CALN1: variants seen among roughly 807,000 people sequenced by gnomAD.
The protein encoded by CALN1 is calneuron 1, also known as calcium-binding protein 8.
In CALN1, 17 loss-of-function variants were observed where a neutral mutation model predicts 30.6. The ratio of observed to expected loss-of-function variants is 0.56; its 90% confidence interval spans 0.38 to 0.83. The LOEUF is 0.83. Among genes scored for constraint, CALN1 ranks in the 40% least tolerant of loss-of-function variants. The pLI, the probability that CALN1 is intolerant of heterozygous loss-of-function variation, is 0.00. For missense variants in CALN1, 291 were observed against 354.9 expected (o/e 0.82, Z 1.45); for synonymous variants, 156 against 131.4 (o/e 1.19, Z -1.28).
chr7:71,931,042 G>A (rs540750095), intron 5 of CALN1, among the ~76,000 whole-genome samples: 1 of 152,112 alleles, frequency 6.6e-6, no homozygotes, highest in Non-Finnish European at 1.5e-5. Flanking sequence ...AAAAATCAAG[G>A]AAACTGTGGA....
chr7:71,812,689 G>T (rs1365033856), intron 5 of CALN1, among the ~76,000 whole-genome samples: 1 of 151,708 alleles, frequency 6.6e-6, no homozygotes, highest in Admixed American at 6.6e-5. Context: ...TTTTTTTCTC[G>T]TAATGATCTT....
chr7:71,839,508 G>T (rs1267311687), intron 5 of CALN1, among the ~76,000 whole-genome samples: 1 of 152,124 alleles, frequency 6.6e-6, no homozygotes, highest in East Asian at 1.9e-4. Context: ...CTCCAGCCTG[G>T]GTGACAGAGT....
At chr7:72,275,119 G>C (rs548361674) in intron 3 of CALN1, among the ~76,000 whole-genome samples, 1 of 152,052 alleles carries the variant, frequency 6.6e-6, no homozygotes, top group Non-Finnish European at 1.5e-5. Flanking sequence ...GAAGGCTGCA[G>C]TGGCTGCAGG....
chr7:71,970,986 C>A (rs1474346626), intron 5 of CALN1, among the ~76,000 whole-genome samples: 1 of 152,098 alleles, frequency 6.6e-6, no homozygotes, highest in African/African-American at 2.4e-5. Flanking sequence ...CAAGAAAGAT[C>A]CTGAAGGCAT....
chr7:72,462,817 T>C, the CALN1 span, among the ~76,000 whole-genome samples: 5 of 152,226 alleles, frequency 3.3e-5, no homozygotes, highest in African/African-American at 9.6e-5. Context: ...TGCCACTGCC[T>C]GCCCGAACTT....
chr7:72,478,324 TATTA>T, the CALN1 span, among the ~76,000 whole-genome samples: 3 of 147,622 alleles, frequency 2.0e-5, no homozygotes, highest in Admixed American at 2.0e-4. Context: ...AATATATTTA[TATTA>T]TATATTTATA....
chr7:71,850,583 G>GA (rs1393704228), intron 5 of CALN1, among the ~76,000 whole-genome samples: 4 of 152,136 alleles, frequency 2.6e-5, no homozygotes, highest in African/African-American at 7.2e-5. Context: ...TGTGGAAAAA[G>GA]AAAAAATCAC....
intron 3 of CALN1, among the ~76,000 whole-genome samples, chr7:72,122,244 T>TTAA (rs1808448397): frequency 6.6e-6 from 1 of 152,226 alleles, no homozygotes; most frequent in Non-Finnish European, 1.5e-5. Context: ...GCTGCAAACG[T>TTAA]TAATATACGG....
At chr7:72,040,919 C>G (rs1323174415) in intron 4 of CALN1, among the ~76,000 whole-genome samples, 1 of 152,180 alleles carries the variant, frequency 6.6e-6, no homozygotes, top group Non-Finnish European at 1.5e-5. Flanking sequence ...ATGAAGCCAC[C>G]AGGTCTGTGG....
At chr7:71,880,395 T>C (rs1792495551) in intron 5 of CALN1, among the ~76,000 whole-genome samples, 1 of 152,210 alleles carries the variant, frequency 6.6e-6, no homozygotes, top group Non-Finnish European at 1.5e-5. Flanking sequence ...CCTTGCTCTC[T>C]GTGGCTGTGT....
intron 3 of CALN1, among the ~76,000 whole-genome samples, chr7:72,158,027 G>A (rs1787833363): frequency 6.6e-6 from 1 of 152,192 alleles, no homozygotes; most frequent in Admixed American, 6.5e-5. Context: ...TTACAGGTGT[G>A]AGCCACTGCG....
At position 71,780,908 on chromosome 7, in the gene CALN1, C is replaced by A. The variant is rs971465047; in HGVS notation, c.*6867G>T. The A allele has an allele frequency of 1.3e-5, 2 of 152,176 alleles. No homozygotes were observed. Among genetic ancestry groups the A allele is most frequent in the Admixed American group, 6.5e-5 (1 of 15,272 alleles). The allele number at this position is 152,176 out of a possible 1,614,324, so 9.4% of individuals were successfully genotyped here. ...CACTTGCCAAGACAGACAGAAAGCT[C>A]ATCTTTGATGCTCCCTCGAGTCAGC... On this transcript the variant is annotated 3_prime_UTR_variant, in exon 7 of 7. Coordinates refer to ENST00000395275, the MANE Select transcript of CALN1 (RefSeq NM_031468.4).
upstream of CALN1, among the ~76,000 whole-genome samples, chr7:72,451,209 A>AAGGAGG (rs546106123): frequency 4.7e-4 from 59 of 126,088 alleles, 1 homozygote; most frequent in South Asian, 4.4e-3. Context: ...GAAGAAGAAG[A>AAGGAGG]AGGAGGAGGA....
the CALN1 span, among the ~76,000 whole-genome samples, chr7:72,493,933 A>C: frequency 6.6e-6 from 1 of 152,202 alleles, no homozygotes. Flanking sequence ...AATTATTCCC[A>C]AAATAACACA....
chr7:72,406,644 T>C (rs1235783896), intron 1 of CALN1, among the ~76,000 whole-genome samples: 1 of 111,638 alleles, frequency 9.0e-6, no homozygotes, highest in Non-Finnish European at 1.7e-5. Context: ...TAAGACGGAG[T>C]CTTGTTCTGT....
chr7:72,419,452 A>G (rs377229200), intron 1 of CALN1, among the ~76,000 whole-genome samples: 60 of 152,234 alleles, frequency 3.9e-4, no homozygotes, highest in South Asian at 3.1e-3. Flanking sequence ...GGATTGGCTC[A>G]GGTAATCCCC....
intron 5 of CALN1, among the ~76,000 whole-genome samples, chr7:71,859,319 T>C (rs1242686535): frequency 6.6e-6 from 1 of 152,200 alleles, no homozygotes; most frequent in East Asian, 1.9e-4. Flanking sequence ...CGCCTCAGCC[T>C]CCCAAAGTGC....
At chr7:71,923,662 G>A (rs989589654) in intron 5 of CALN1, among the ~76,000 whole-genome samples, 68 of 152,076 alleles carry the variant, frequency 4.5e-4, no homozygotes, top group African/African-American at 1.4e-3. Flanking sequence ...CAATGACCTG[G>A]AGCAGGGATA....
intron 5 of CALN1, among the ~76,000 whole-genome samples, chr7:72,012,706 T>G (rs565781464): frequency 6.6e-6 from 1 of 152,294 alleles, no homozygotes; most frequent in African/African-American, 2.4e-5. Flanking sequence ...TACAGTGGCT[T>G]TGGGTGACAG....
Sources: allele counts gnomAD v4.1 joint callset (sites outside exome capture counted in the v4.1 genomes callset), GRCh38; gene constraint gnomAD v4.1.1; transcripts MANE v1.5; gene names NCBI Gene and HGNC (gene_info 2026-07-23, HGNC 2026-07-21).